Variants in PAFAH1B1 observed in about 807,000 individuals in gnomAD.
The protein encoded by PAFAH1B1 is platelet activating factor acetylhydrolase 1b regulatory subunit 1, also known as platelet-activating factor acetylhydrolase IB subunit beta.
PAFAH1B1 carries 2 observed loss-of-function variants against 57.5 expected under a neutral mutation model. That is an observed-to-expected ratio of 0.03 (90% confidence interval 0.01 to 0.11). The LOEUF (loss-of-function observed/expected upper bound fraction) is 0.11. Among genes scored for constraint, PAFAH1B1 ranks in the 10% least tolerant of loss-of-function variants. The pLI is 1.00. For synonymous variants in PAFAH1B1, 152 were observed against 169.6 expected (o/e 0.90, Z 0.81); for missense variants, 257 against 512.0 (o/e 0.50, Z 4.81).
At chr17:2,676,260 C>T in intron 8 of PAFAH1B1, 1 of 435,860 alleles carries the variant, frequency 2.3e-6, no homozygotes, top group Non-Finnish European at 4.2e-6. Context: ...TGCCTGTAAT[C>T]ACATCTACTT....
chr17:2,625,764 G>A (rs1294012862), intron 1 of PAFAH1B1, among the ~76,000 whole-genome samples: 3 of 151,998 alleles, frequency 2.0e-5, no homozygotes, highest in Admixed American at 6.6e-5. Flanking sequence ...CGTCTCTAGC[G>A]GAGGTTGGGG....
At chr17:2,665,028 G>A (rs904404737) in intron 2 of PAFAH1B1, among the ~76,000 whole-genome samples, 2 of 152,128 alleles carry the variant, frequency 1.3e-5, no homozygotes, top group Admixed American at 6.6e-5. Flanking sequence ...TAGCAAAATT[G>A]ATGGTTGCTG....
In PAFAH1B1 at chr17:2,593,702, A is replaced by G. The variant is rs921458742; in HGVS notation, c.-495A>G. ...GGCGGCGGAGTCCGGCGGCCGGGAG[A>G]GCGAGTGAGCGAGCGGAGGAGCAGC... is the stretch of plus-strand genomic sequence containing the variant. On this transcript the variant is annotated 5_prime_UTR_variant, in exon 1 of 11. Coordinates refer to ENST00000397195, the MANE Select transcript of PAFAH1B1 (RefSeq NM_000430.4). The G allele has an allele frequency of 5.2e-5, 13 of 252,296 alleles. No individual in the cohort carries two copies. The highest frequency in any genetic ancestry group is 8.9e-5 in the Non-Finnish European group (12 of 134,260). The allele number at this position is 252,296 out of a possible 1,614,324, so 15.6% of individuals were successfully genotyped here.
intron 1 of PAFAH1B1, among the ~76,000 whole-genome samples, chr17:2,631,354 C>T (rs557685375): frequency 1.3e-5 from 2 of 152,264 alleles, no homozygotes; most frequent in East Asian, 1.9e-4. Flanking sequence ...GTCTGCATGC[C>T]GGATTCGCAC....
intron 2 of PAFAH1B1, among the ~76,000 whole-genome samples, chr17:2,664,743 G>A (rs1220428410): frequency 6.8e-6 from 1 of 147,940 alleles, no homozygotes; most frequent in Non-Finnish European, 1.5e-5. Flanking sequence ...CGAGCATTTT[G>A]TATAAAGGGT....
chr17:2,599,753 A>G (rs935913610), intron 1 of PAFAH1B1, among the ~76,000 whole-genome samples: 2 of 152,164 alleles, frequency 1.3e-5, no homozygotes, highest in Non-Finnish European at 2.9e-5. Context: ...AATTAACTCA[A>G]CTGGACAAAT....
At chr17:2,640,096 T>G (rs1364089778) in intron 2 of PAFAH1B1, 1 of 152,232 alleles carries the variant, frequency 6.6e-6, no homozygotes, top group Non-Finnish European at 1.5e-5. Flanking sequence ...AGGTTTTTCT[T>G]AAACCATGTT....
At chr17:2,624,939 T>A (rs1221962373) in intron 1 of PAFAH1B1, among the ~76,000 whole-genome samples, 2 of 152,198 alleles carry the variant, frequency 1.3e-5, no homozygotes, top group Non-Finnish European at 2.9e-5. Flanking sequence ...TATTTCTTCC[T>A]TCTACATCTG....
intron 2 of PAFAH1B1, chr17:2,639,603 C>CT (rs535777181): frequency 0.065 from 9,511 of 146,780 alleles, 664 homozygotes; most frequent in African/African-American, 0.18. Flanking sequence ...TGTTCTACTT[C>CT]TTTTTTTTTT....
intron 1 of PAFAH1B1, among the ~76,000 whole-genome samples, chr17:2,598,645 T>G (rs547421428): frequency 6.6e-6 from 1 of 151,742 alleles, no homozygotes; most frequent in Non-Finnish European, 1.5e-5. Context: ...AAAATAAAAC[T>G]AGTGGTATAC....
At chr17:2,599,411 T>A (rs2068115854) in intron 1 of PAFAH1B1, among the ~76,000 whole-genome samples, 1 of 152,228 alleles carries the variant, frequency 6.6e-6, no homozygotes, top group Non-Finnish European at 1.5e-5. Flanking sequence ...ATTGCCTGCA[T>A]CATTTAAATT....
chr17:2,609,165 C>T (rs2068237907), intron 1 of PAFAH1B1, among the ~76,000 whole-genome samples: 1 of 152,186 alleles, frequency 6.6e-6, no homozygotes, highest in African/African-American at 2.4e-5. Flanking sequence ...ATTACAGCTG[C>T]CTTCTTGAAT....
intron 1 of PAFAH1B1, among the ~76,000 whole-genome samples, chr17:2,602,134 A>AT (rs931051573): frequency 3.9e-5 from 6 of 152,158 alleles, no homozygotes; most frequent in African/African-American, 1.2e-4. Context: ...CAACGTAAAG[A>AT]TAAAAAAAAA....
At chr17:2,654,409 C>T (rs963894621) in intron 2 of PAFAH1B1, among the ~76,000 whole-genome samples, 2 of 150,572 alleles carry the variant, frequency 1.3e-5, no homozygotes, top group African/African-American at 4.9e-5. Flanking sequence ...AAACTGACCT[C>T]AGGTGATCGC....
At chr17:2,629,008 T>G (rs2068525018) in intron 1 of PAFAH1B1, among the ~76,000 whole-genome samples, 1 of 152,238 alleles carries the variant, frequency 6.6e-6, no homozygotes, top group Non-Finnish European at 1.5e-5. Flanking sequence ...GCTAATGGTC[T>G]ATCAATTTTG....
chr17:2,667,392 C>A, intron 5 of PAFAH1B1, 194 bp downstream of exon 5: 1 of 545,542 alleles, frequency 1.8e-6, no homozygotes, highest in Non-Finnish European at 3.3e-6. Context: ...AAAATGAGGG[C>A]CTATGAAGAG....
rs111927818 is a variant in PAFAH1B1, at chr17:2,652,171, G to C, written c.33-13201G>C. ...TCACGCCTGTAATCCCACACTTTGG[G>C]AGGCCAAGGCGGGCAAATCACGAGG... On this transcript the variant is annotated intron_variant, in intron 2 of 10. Coordinates refer to ENST00000397195, the MANE Select transcript of PAFAH1B1 (RefSeq NM_000430.4). 1.1e-3 allele frequency among the ~76,000 whole-genome samples: 169 copies of C among 152,270 alleles called. 1 individual carries two copies. The highest frequency in any genetic ancestry group is 3.9e-3 in the African/African-American group (162 of 41,544).
At chr17:2,616,492 T>C (rs931467656) in intron 1 of PAFAH1B1, among the ~76,000 whole-genome samples, 6 of 152,192 alleles carry the variant, frequency 3.9e-5, no homozygotes, top group Non-Finnish European at 8.8e-5. Flanking sequence ...CGCAGTCTTT[T>C]GGCAGAATTC....
At chr17:2,617,712 G>A (rs1407137770) in intron 1 of PAFAH1B1, among the ~76,000 whole-genome samples, 1 of 148,140 alleles carries the variant, frequency 6.8e-6, no homozygotes, top group Non-Finnish European at 1.5e-5. Context: ...GAGGTGAGGA[G>A]TTTGAGACCA....
Sources: gnomAD v4.1 joint callset for allele counts (sites outside exome capture counted in the v4.1 genomes callset) on GRCh38, gnomAD v4.1.1 for gene constraint, MANE v1.5 for transcripts, NCBI Gene and HGNC (gene_info 2026-07-23, HGNC 2026-07-21) for gene names.